The following KCNQ3 variants were observed in gnomAD, a reference collection of about 807,000 sequenced individuals.
KCNQ3 encodes potassium voltage-gated channel subfamily KQT member 3.
Under a neutral mutation model 92.5 loss-of-function variants are expected in KCNQ3, and 30 were observed. That is an observed-to-expected ratio of 0.32 (90% CI 0.24 to 0.44). The LOEUF (loss-of-function observed/expected upper bound fraction) is 0.44, where lower values mean the gene tolerates loss of function less well. KCNQ3 is among the 20% of genes least tolerant of loss of function. The pLI is 1.00. For synonymous variants in KCNQ3, 450 were observed against 468.8 expected (o/e 0.96, Z 0.52); for missense variants, 913 against 1,140.3 (o/e 0.80, Z 2.87).
At chr8:132,465,028 G>A (rs1020570030) in intron 1 of KCNQ3, among the ~76,000 whole-genome samples, 1 of 152,128 alleles carries the variant, frequency 6.6e-6, no homozygotes, top group African/African-American at 2.4e-5. Context: ...TTCAAGTCAT[G>A]GCACAAAAAG....
At chr8:132,461,141 C>G (rs1822050304) in intron 1 of KCNQ3, among the ~76,000 whole-genome samples, 1 of 152,126 alleles carries the variant, frequency 6.6e-6, no homozygotes, top group Admixed American at 6.6e-5. Flanking sequence ...ATCCATTCAT[C>G]TTGGTTGCAT....
At chr8:132,265,653 A>G (rs1256554301) in intron 1 of KCNQ3, among the ~76,000 whole-genome samples, 1 of 152,206 alleles carries the variant, frequency 6.6e-6, no homozygotes, top group African/African-American at 2.4e-5. Context: ...GGCAGATTTT[A>G]GCAGTGAAAC....
At chr8:132,176,419 T>G (rs1826555222) in intron 4 of KCNQ3, among the ~76,000 whole-genome samples, 1 of 152,146 alleles carries the variant, frequency 6.6e-6, no homozygotes, top group African/African-American at 2.4e-5. Flanking sequence ...TCTATTCCAG[T>G]TTCAAGATTT....
At chr8:132,351,992 G>A (rs931855848) in intron 1 of KCNQ3, among the ~76,000 whole-genome samples, 5 of 152,158 alleles carry the variant, frequency 3.3e-5, no homozygotes, top group African/African-American at 9.7e-5. Flanking sequence ...GCTTAGAGTC[G>A]GCATTATAGC....
chr8:132,239,972 C>A (rs1161248216), intron 1 of KCNQ3, among the ~76,000 whole-genome samples: 1 of 152,142 alleles, frequency 6.6e-6, no homozygotes, highest in East Asian at 1.9e-4. Context: ...GGCACTCAGA[C>A]AGTATTTAAA....
intron 3 of KCNQ3, among the ~76,000 whole-genome samples, chr8:132,180,845 A>AC (rs1306080815): frequency 1.3e-5 from 2 of 151,600 alleles, no homozygotes; most frequent in East Asian, 1.9e-4. Flanking sequence ...TAAAAAAAAA[A>AC]AAAAACCAAT....
chr8:132,316,219 T>C (rs1817738075), intron 1 of KCNQ3, among the ~76,000 whole-genome samples: 1 of 152,124 alleles, frequency 6.6e-6, no homozygotes. Context: ...TGGCATAAGC[T>C]CTCTTGGCAT....
intron 1 of KCNQ3, among the ~76,000 whole-genome samples, chr8:132,249,198 G>A (rs890476904): frequency 3.3e-5 from 5 of 152,144 alleles, no homozygotes; most frequent in South Asian, 2.1e-4. Flanking sequence ...CTTCCACAGT[G>A]CAGAAGGGGA....
chr8:132,236,349 AAC>A (rs554172886), intron 1 of KCNQ3, among the ~76,000 whole-genome samples: 291 of 152,320 alleles, frequency 1.9e-3, no homozygotes, highest in Non-Finnish European at 3.4e-3. Context: ...ATTCTATCCA[AAC>A]ACACGAAGCA....
At chr8:132,292,258 C>T (rs1296466674) in intron 1 of KCNQ3, among the ~76,000 whole-genome samples, 2 of 152,166 alleles carry the variant, frequency 1.3e-5, no homozygotes, top group East Asian at 3.9e-4. Flanking sequence ...GTATTAATAA[C>T]TGATAACAGT....
intron 1 of KCNQ3, among the ~76,000 whole-genome samples, chr8:132,203,149 C>A (rs1455559291): frequency 1.3e-5 from 2 of 152,260 alleles, no homozygotes; most frequent in South Asian, 4.1e-4. Context: ...GGAGAACAAA[C>A]CCCTCCTGAG....
At chr8:132,390,518 T>C (rs1299746751) in intron 1 of KCNQ3, among the ~76,000 whole-genome samples, 1 of 152,142 alleles carries the variant, frequency 6.6e-6, no homozygotes, top group Non-Finnish European at 1.5e-5. Context: ...TCCAGACCAG[T>C]GAAATCAGGA....
intron 1 of KCNQ3, among the ~76,000 whole-genome samples, chr8:132,391,356 T>C (rs1399593782): frequency 1.3e-5 from 2 of 151,870 alleles, no homozygotes; most frequent in African/African-American, 2.4e-5. Flanking sequence ...ATCTGTAAAA[T>C]GGAGAGGATG....
chr8:132,384,109 G>C (rs1337677004), intron 1 of KCNQ3, among the ~76,000 whole-genome samples: 1 of 152,114 alleles, frequency 6.6e-6, no homozygotes, highest in Non-Finnish European at 1.5e-5. Flanking sequence ...CTACAAGAAG[G>C]CTTCTCTGCC....
chr8:132,189,923 GAA>G (rs1319380398), intron 1 of KCNQ3, among the ~76,000 whole-genome samples: 4 of 146,868 alleles, frequency 2.7e-5, no homozygotes, highest in Non-Finnish European at 6.0e-5. Context: ...GAGAGAGAGA[GAA>G]GAGGATATGG....
At chr8:132,269,208 C>A (rs1407601292) in intron 1 of KCNQ3, among the ~76,000 whole-genome samples, 1 of 152,144 alleles carries the variant, frequency 6.6e-6, no homozygotes, top group African/African-American at 2.4e-5. Flanking sequence ...AGAAATGTTT[C>A]ATTTTAATGA....
Position 132,127,620 on chromosome 8 carries a change from T to C in KCNQ3, c.*1642A>G, listed in dbSNP as rs926106576. 3 of 152,208 alleles carry C rather than the reference T, an allele frequency of 2.0e-5. No individual in the cohort carries two copies. The highest frequency in any genetic ancestry group is 7.2e-5 in the African/African-American group (3 of 41,442). The allele number at this position is 152,208 out of a possible 1,614,324, so 9.4% of individuals were successfully genotyped here. On this transcript the variant is annotated 3_prime_UTR_variant, in exon 15 of 15. Transcript: ENST00000388996. ...AGCTGCATACAGACATTTGTTTAGG[T>C]CATCTGGATTATCTTGATTGTCACC...
chr8:132,414,395 G>A (rs1248601564), intron 1 of KCNQ3, among the ~76,000 whole-genome samples: 1 of 152,206 alleles, frequency 6.6e-6, no homozygotes, highest in Admixed American at 6.5e-5. Context: ...AACATTCAGA[G>A]CAGCACGTGG....
At chr8:132,449,149 T>C (rs762014397) in intron 1 of KCNQ3, among the ~76,000 whole-genome samples, 2 of 152,174 alleles carry the variant, frequency 1.3e-5, no homozygotes, top group African/African-American at 2.4e-5. Context: ...TAGAGCCCCA[T>C]GTGTACCTCC....
Sources: allele counts gnomAD v4.1 joint callset (sites outside exome capture counted in the v4.1 genomes callset), GRCh38; gene constraint gnomAD v4.1.1; transcripts MANE v1.5; gene names NCBI Gene and HGNC (gene_info 2026-07-23, HGNC 2026-07-21).